PRKCA: variants seen among roughly 807,000 people sequenced by gnomAD.
The protein encoded by PRKCA is protein kinase C alpha type.
PRKCA carries 27 observed loss-of-function variants against 87.0 expected under a neutral mutation model. That is an observed-to-expected ratio of 0.31 (90% confidence interval 0.23 to 0.43). The LOEUF is 0.43. PRKCA is among the 20% of genes least tolerant of loss of function. The pLI is 1.00. For synonymous variants in PRKCA, 329 were observed against 311.1 expected, an observed-to-expected ratio of 1.06 and a Z score of -0.61; for missense variants, 518 against 852.3, an observed-to-expected ratio of 0.61 and a Z score of 4.88.
intron 3 of PRKCA, among the ~76,000 whole-genome samples, chr17:66,631,794 A>T (rs1248446748): frequency 1.3e-5 from 2 of 152,338 alleles, no homozygotes; most frequent in African/African-American, 4.8e-5. Context: ...CCTGTATCAA[A>T]ACATGACATG....
At chr17:66,765,142 G>A (rs997533435) in intron 13 of PRKCA, among the ~76,000 whole-genome samples, 3 of 152,024 alleles carry the variant, frequency 2.0e-5, no homozygotes, top group Non-Finnish European at 2.9e-5. Flanking sequence ...GGCCAGGCAT[G>A]GTGGCTCACG....
chr17:66,434,682 G>C (rs1309382533), intron 2 of PRKCA, among the ~76,000 whole-genome samples: 4 of 152,168 alleles, frequency 2.6e-5, no homozygotes, highest in African/African-American at 4.8e-5. Context: ...TGGCCTTGGA[G>C]TCAGATTGCC....
At chr17:66,748,749 G>A (rs1974358971) in intron 13 of PRKCA, among the ~76,000 whole-genome samples, 1 of 152,154 alleles carries the variant, frequency 6.6e-6, no homozygotes, top group African/African-American at 2.4e-5. Flanking sequence ...TCCCAGGAAG[G>A]CAGGCTGAAG....
chr17:66,437,627 G>A (rs1204836645), intron 2 of PRKCA, among the ~76,000 whole-genome samples: 2 of 151,600 alleles, frequency 1.3e-5, no homozygotes, highest in Non-Finnish European at 2.9e-5. Context: ...GCAGTCCCCC[G>A]AGCAGACACA....
At chr17:66,747,481 T>C (rs1974321064) in intron 13 of PRKCA, among the ~76,000 whole-genome samples, 1 of 152,184 alleles carries the variant, frequency 6.6e-6, no homozygotes, top group Admixed American at 6.5e-5. Context: ...TACACTGACT[T>C]CTCTGCACCA....
intron 5 of PRKCA, among the ~76,000 whole-genome samples, chr17:66,673,972 G>A (rs1312694807): frequency 6.6e-6 from 1 of 152,154 alleles, no homozygotes; most frequent in African/African-American, 2.4e-5. Context: ...AAAAGGCCTG[G>A]GTGGTTTTTC....
intron 2 of PRKCA, among the ~76,000 whole-genome samples, chr17:66,451,666 G>A (rs144484465): frequency 5.1e-4 from 77 of 152,242 alleles, no homozygotes; most frequent in East Asian, 3.5e-3. Flanking sequence ...ATAAGGAAGC[G>A]CCCCCTAACG....
intron 3 of PRKCA, among the ~76,000 whole-genome samples, chr17:66,592,076 T>A (rs1969824183): frequency 6.6e-6 from 1 of 152,092 alleles, no homozygotes; most frequent in Admixed American, 6.6e-5. Context: ...AGTTACCAGC[T>A]GAGCTCTGTG....
At chr17:66,523,466 A>G (rs570135767) in intron 3 of PRKCA, among the ~76,000 whole-genome samples, 120 of 152,258 alleles carry the variant, frequency 7.9e-4, no homozygotes, top group Middle Eastern at 3.4e-3. Context: ...AAACAATCCT[A>G]CTTATTTATA....
intron 3 of PRKCA, among the ~76,000 whole-genome samples, chr17:66,575,663 C>G (rs1011897161): frequency 6.6e-6 from 1 of 152,168 alleles, no homozygotes; most frequent in African/African-American, 2.4e-5. Flanking sequence ...AACTGGAAAA[C>G]AAAACCACAC....
At chr17:66,652,222 G>A (rs756313183) in intron 5 of PRKCA, among the ~76,000 whole-genome samples, 1 of 152,322 alleles carries the variant, frequency 6.6e-6, no homozygotes, top group Non-Finnish European at 1.5e-5. Flanking sequence ...ACCTCCCAAA[G>A]TGTTGGGATT....
At chr17:66,398,192 G>A (rs1160710154) in intron 2 of PRKCA, 4 of 152,134 alleles carry the variant, frequency 2.6e-5, no homozygotes, top group Non-Finnish European at 5.9e-5. Flanking sequence ...ACCCATGGTC[G>A]AAGTCCAAGC....
At chr17:66,668,957 G>A (rs748896786) in intron 5 of PRKCA, among the ~76,000 whole-genome samples, 7 of 151,974 alleles carry the variant, frequency 4.6e-5, no homozygotes, top group African/African-American at 1.7e-4. Context: ...TTAAAAATTA[G>A]CCAGGCATGG....
chr17:66,709,509 A>G (rs1272809251), intron 8 of PRKCA, among the ~76,000 whole-genome samples: 2 of 151,810 alleles, frequency 1.3e-5, no homozygotes, highest in African/African-American at 4.8e-5. Context: ...AGGTTTCACC[A>G]TGCTGGCCAG....
intron 8 of PRKCA, among the ~76,000 whole-genome samples, chr17:66,699,501 G>A (rs1412234814): frequency 4.6e-5 from 7 of 152,186 alleles, no homozygotes; most frequent in Non-Finnish European, 1.0e-4. Context: ...ATCTGAGTAG[G>A]CCAATAATGA....
chr17:66,777,398 G>C (rs1975080449), intron 14 of PRKCA: 1 of 984,668 alleles, frequency 1.0e-6, no homozygotes, highest in Admixed American at 6.2e-5. Context: ...GACATCAAAA[G>C]AGTGGTTTAT....
intron 2 of PRKCA, among the ~76,000 whole-genome samples, chr17:66,494,073 T>C (rs1916359277): frequency 6.6e-6 from 1 of 152,184 alleles, no homozygotes; most frequent in African/African-American, 2.4e-5. Context: ...CTCTCAGTAC[T>C]CTGGGCTCCT....
Position 66,803,806 on chromosome 17 carries a change from CCTCGGAGAGCTGCTCCCG to C in PRKCA, c.1855-65_1855-48del, listed in dbSNP as rs1975958834. On this transcript the variant is annotated intron_variant, in intron 16 of 16. Coordinates refer to ENST00000413366, the MANE Select transcript of PRKCA (RefSeq NM_002737.3). The surrounding 1 kb of genome is among the most constrained non-coding windows in gnomAD (Gnocchi z 4.4). Reference sequence around the variant, plus strand: ...GGCCGTGCCCCTCCCCAGAGAGGGCCCTCGGAGAGCTGCTCCCGCATTGTCATGTTGACTGACCTTTCC... The same window carrying C: ...GGCCGTGCCCCTCCCCAGAGAGGGCCCATTGTCATGTTGACTGACCTTTCC... 2 of 1,576,516 alleles carry C rather than the reference CCTCGGAGAGCTGCTCCCG, an allele frequency of 1.3e-6. No homozygotes were observed. The highest frequency in any genetic ancestry group is 3.4e-5 in the Admixed American group (2 of 58,662).
intron 8 of PRKCA, among the ~76,000 whole-genome samples, chr17:66,722,835 GA>G (rs1289421352): frequency 6.6e-6 from 1 of 151,912 alleles, no homozygotes; most frequent in African/African-American, 2.4e-5. Flanking sequence ...GTCCCATTTT[GA>G]AAAAAAGAGC....
Sources: allele counts gnomAD v4.1 joint callset (sites outside exome capture counted in the v4.1 genomes callset), GRCh38; gene constraint gnomAD v4.1.1; non-coding constraint Gnocchi (gnomAD v3.1); transcripts MANE v1.5; gene names NCBI Gene and HGNC (gene_info 2026-07-23, HGNC 2026-07-21).